The following CIB4 variants were observed in gnomAD, a reference collection of about 807,000 sequenced individuals.
The protein encoded by CIB4 is calcium and integrin-binding family member 4.
A neutral mutation model predicts 25.8 loss-of-function variants in CIB4; 25 were observed. The observed-to-expected ratio is 0.97, with a 90% CI of 0.71 to 1.35. The LOEUF (loss-of-function observed/expected upper bound fraction) is 1.35. CIB4 is among the 40% of genes most tolerant of loss of function. The pLI is 0.00. For missense variants in CIB4, 235 were observed against 228.2 expected (o/e 1.03, Z -0.19); for synonymous variants, 75 against 81.4 (o/e 0.92, Z 0.42).
At chr2:26,589,226 T>A in intron 4 of CIB4, among the ~76,000 whole-genome samples, 1 of 142,634 alleles carries the variant, frequency 7.0e-6, no homozygotes. Flanking sequence ...TTCCTCCTCC[T>A]CCCCCTCTTC....
chr2:26,640,518 G>T lies in CIB4; in HGVS notation c.89+15C>A, dbSNP rs192079569. ...GGAGCTGGGAGAAGGAAAGAGGGGC[G>T]GGGCTTCTACTCACCACAGAATTTC... is the stretch of plus-strand genomic sequence containing the variant. On this transcript the variant is annotated intron_variant, in intron 2 of 6. Transcript: ENST00000288861. 4 of 1,612,636 alleles carry T rather than the reference G, an allele frequency of 2.5e-6. No homozygotes were observed. Among genetic ancestry groups the T allele is most frequent in the Non-Finnish European group, 3.4e-6 (4 of 1,179,228 alleles).
intron 4 of CIB4, among the ~76,000 whole-genome samples, chr2:26,593,349 TATATAC>T (rs1399147725): frequency 2.6e-5 from 4 of 151,846 alleles, no homozygotes; most frequent in Middle Eastern, 3.4e-3. Flanking sequence ...TATATATACA[TATATAC>T]ATATACATAT....
intron 3 of CIB4, among the ~76,000 whole-genome samples, chr2:26,597,044 C>T (rs897146500): frequency 6.6e-6 from 1 of 152,058 alleles, no homozygotes; most frequent in Admixed American, 6.6e-5. Flanking sequence ...CTCATTTTAG[C>T]GTTATTGCTT....
chr2:26,626,687 G>T (rs1268663572), intron 3 of CIB4, among the ~76,000 whole-genome samples: 3 of 152,176 alleles, frequency 2.0e-5, no homozygotes, highest in Non-Finnish European at 2.9e-5. Flanking sequence ...TCTCCAGTGA[G>T]CAAGTTCGGG....
chr2:26,635,640 T>C (rs1286297703), intron 2 of CIB4, among the ~76,000 whole-genome samples: 1 of 152,226 alleles, frequency 6.6e-6, no homozygotes, highest in Non-Finnish European at 1.5e-5. Context: ...GAGTATCACA[T>C]GCCTTCTGCT....
intron 4 of CIB4, among the ~76,000 whole-genome samples, chr2:26,585,889 C>G (rs1668443191): frequency 6.6e-6 from 1 of 152,082 alleles, no homozygotes; most frequent in African/African-American, 2.4e-5. Flanking sequence ...ACCTCTAGAC[C>G]TGCTGCACTC....
chr2:26,608,270 T>TGGTGAGAAGGG (rs1668930944), intron 3 of CIB4, among the ~76,000 whole-genome samples: 1 of 146,728 alleles, frequency 6.8e-6, no homozygotes, highest in Admixed American at 6.8e-5. Flanking sequence ...AGAGTGGGTC[T>TGGTGAGAAGGG]GGTGAGAAGG....
At chr2:26,585,355 G>A (rs967703336) in intron 4 of CIB4, among the ~76,000 whole-genome samples, 2 of 151,860 alleles carry the variant, frequency 1.3e-5, no homozygotes, top group East Asian at 3.9e-4. Context: ...GGGAGCAGAG[G>A]GTGCGGGGAG....
intron 3 of CIB4, among the ~76,000 whole-genome samples, chr2:26,616,751 CAT>C (rs994747432): frequency 1.3e-5 from 2 of 152,364 alleles, no homozygotes; most frequent in African/African-American, 2.4e-5. Flanking sequence ...CTACCACACA[CAT>C]GTACATAAAT....
intron 5 of CIB4, 101 bp from the exon 6 acceptor site, chr2:26,583,014 A>G (rs1250040882): frequency 1.4e-6 from 1 of 729,210 alleles, no homozygotes; most frequent in African/African-American, 1.7e-5. Context: ...GGGCTCTCCC[A>G]CATGCTTAAC....
At position 26,627,054 on chromosome 2, in the gene CIB4, G is replaced by A. The variant is rs1220739560; in HGVS notation, c.186+2356C>T. Among the ~76,000 whole-genome samples the A allele has an allele frequency of 4.6e-5, 7 of 152,280 alleles. No homozygotes were observed. In the East Asian group the frequency reaches 1.2e-3, roughly 25 times the overall value. On this transcript the variant is annotated intron_variant, in intron 3 of 6. Transcript: ENST00000288861. The surrounding 1 kb of genome is among the most constrained non-coding windows in gnomAD (Gnocchi z 4.0). ...CTTAGTCCAGTGCTTACTCCTTTGG[G>A]GGCCAAACAGAGACTCCAGGCCCTA...
intron 4 of CIB4, 46 bp downstream of exon 4, chr2:26,595,130 C>T: frequency 1.9e-6 from 3 of 1,573,770 alleles, no homozygotes; most frequent in Non-Finnish European, 2.6e-6. Context: ...GGTATGTTCT[C>T]TATGGCCTTT....
intron 3 of CIB4, among the ~76,000 whole-genome samples, chr2:26,624,207 T>C (rs1204843124): frequency 6.6e-6 from 1 of 152,130 alleles, no homozygotes; most frequent in Non-Finnish European, 1.5e-5. Context: ...CTGAGCCAAG[T>C]TATATCAGTA....
chr2:26,593,400 A>T (rs556119859), intron 4 of CIB4, among the ~76,000 whole-genome samples: 3 of 144,776 alleles, frequency 2.1e-5, no homozygotes, highest in African/African-American at 8.3e-5. Context: ...ACACATATAT[A>T]CACACACATA....
chr2:26,630,833 G>C (rs4665337), intron 2 of CIB4, among the ~76,000 whole-genome samples: 1 of 152,074 alleles, frequency 6.6e-6, no homozygotes, highest in South Asian at 2.1e-4. Context: ...GGGACACCCA[G>C]CCTGCCCTCT....
chr2:26,585,001 G>A (rs1371563020), intron 4 of CIB4, among the ~76,000 whole-genome samples: 2 of 152,192 alleles, frequency 1.3e-5, no homozygotes, highest in East Asian at 3.9e-4. Context: ...GCCTGGCCAG[G>A]CCTTGGGTCC....
At chr2:26,588,906 T>C (rs996349694) in intron 4 of CIB4, among the ~76,000 whole-genome samples, 1 of 152,144 alleles carries the variant, frequency 6.6e-6, no homozygotes, top group African/African-American at 2.4e-5. Flanking sequence ...GAGCAGGACA[T>C]GGAGGCCAGT....
chr2:26,601,231 A>AAAATATATATATAT (rs1395827334), intron 3 of CIB4, among the ~76,000 whole-genome samples: 1 of 17,238 alleles, frequency 5.8e-5, no homozygotes, highest in African/African-American at 1.5e-4. Context: ...AAAAAAAAAA[A>AAAATATATATATAT]ATATATATAT....
chr2:26,612,229 C>T (rs573042862), intron 3 of CIB4, among the ~76,000 whole-genome samples: 1 of 152,316 alleles, frequency 6.6e-6, no homozygotes, highest in South Asian at 2.1e-4. Flanking sequence ...GATGTGCACT[C>T]TTCTCCTGTA....
Sources: allele counts gnomAD v4.1 joint callset (sites outside exome capture counted in the v4.1 genomes callset), GRCh38; gene constraint gnomAD v4.1.1; non-coding constraint Gnocchi (gnomAD v3.1); transcripts MANE v1.5; gene names NCBI Gene and HGNC (gene_info 2026-07-23, HGNC 2026-07-21).